Variants in TMPO observed in about 807,000 individuals in gnomAD.
TMPO encodes the protein thymopoietin, also known as LEM domain containing 4.
Under a neutral mutation model 45.4 loss-of-function variants are expected in TMPO, and 22 were observed. The ratio of observed to expected loss-of-function variants is 0.48; its 90% confidence interval spans 0.35 to 0.69. The LOEUF is 0.69. TMPO is among the 30% of genes least tolerant of loss of function. TMPO has a pLI of 0.01. For synonymous variants in TMPO, 241 were observed against 204.1 expected, an observed-to-expected ratio of 1.18 and a Z score of -1.54; for missense variants, 512 against 548.8, an observed-to-expected ratio of 0.93 and a Z score of 0.67.
chr12:98,523,497 A>T (rs1471982382), intron 1 of TMPO, among the ~76,000 whole-genome samples: 4 of 151,724 alleles, frequency 2.6e-5, no homozygotes, highest in African/African-American at 7.3e-5. Flanking sequence ...GATGGAGGGC[A>T]TGCCACTGCA....
Position 98,527,019 on chromosome 12 carries a change from T to C in TMPO, c.280-867T>C, listed in dbSNP as rs73382591. 4.2e-3 allele frequency among the ~76,000 whole-genome samples: 635 copies of C among 152,078 alleles called. 6 individuals carry two copies. The highest frequency in any genetic ancestry group is 0.015 in the African/African-American group (607 of 41,524). ...ATATGTATCTAAGTGTAAGCCTGTA[T>C]GGTAAAGTCTTAAACTTTCCTGGAT... On this transcript the variant is annotated intron_variant, in intron 1 of 8. Transcript: ENST00000556029.
chr12:98,540,385 GTTT>G (rs1877842096), intron 4 of TMPO, among the ~76,000 whole-genome samples: 1 of 151,996 alleles, frequency 6.6e-6, no homozygotes, highest in Admixed American at 6.6e-5. Context: ...TGTTGTTTTT[GTTT>G]TTGTTTGTTT....
chr12:98,549,884 C>T lies in TMPO; in HGVS notation c.*2026C>T, dbSNP rs938491547. 6.9e-6 allele frequency: 1 copy of T among 144,482 alleles called. No homozygotes were observed. The highest frequency in any genetic ancestry group is 2.5e-5 in the African/African-American group (1 of 39,440). The allele number at this position is 144,482 out of a possible 1,614,324, so 9.0% of individuals were successfully genotyped here. ...GGGTCCTTGCAAAGTGAGTGGGAAA[C>T]TTACTCCTAGATCAGAAATGTTTGC... On this transcript the variant is annotated 3_prime_UTR_variant, in exon 9 of 9. Transcript: ENST00000556029.
In TMPO at chr12:98,533,489, G is replaced by T; in HGVS notation, c.565+1651G>T. Reference sequence around the variant, plus strand: ...CTGGATGTAGAAAACATACAGAAGAGAATTGATCAGTCTAAGTTTCAAGAA... The same window carrying T: ...CTGGATGTAGAAAACATACAGAAGATAATTGATCAGTCTAAGTTTCAAGAA... On this transcript the variant is annotated intron_variant, in intron 3 of 8. Coordinates refer to ENST00000556029, the MANE Select transcript of TMPO (RefSeq NM_001032283.3). The T allele has an allele frequency of 1.2e-6, 2 of 1,614,100 alleles. No homozygotes were observed. Among genetic ancestry groups the T allele is most frequent in the Non-Finnish European group, 1.7e-6 (2 of 1,180,010 alleles).
Position 98,521,919 on chromosome 12 carries a change from A to G in TMPO, c.279+5773A>G, listed in dbSNP as rs571244079. Reference sequence around the variant, plus strand: ...TAATTTTTTTATTTTTAGTAGAGACAGTTTCACCATGTTGGTCAGGCCGGT... The same window carrying G: ...TAATTTTTTTATTTTTAGTAGAGACGGTTTCACCATGTTGGTCAGGCCGGT... On this transcript the variant is annotated intron_variant, in intron 1 of 8. Transcript: ENST00000556029. 1.7e-4 allele frequency among the ~76,000 whole-genome samples: 26 copies of G among 152,186 alleles called. No homozygotes were observed. The East Asian group carries it at 1.9e-3, about 11-fold the overall frequency.
rs1200995335 is a variant in TMPO, at chr12:98,545,026, A to G, written c.955A>G (p.Arg319Gly). Residue 319 changes from arginine (R) to glycine (G), a missense_variant, in exon 7 of 9, where the codon AGA (arginine) becomes GGA (glycine). By Grantham distance (125) the Arg-to-Gly change is moderately radical. This residue lies in a region of TMPO where 209 missense variants were observed against 235.1 expected (regional missense o/e 0.89). Transcript: ENST00000556029. ...LPITEFSDIP[R>G]RAPKKPLTRA... ...AATCACTGAATTCTCAGACATACCC[A>G]GAAGAGCACCAAAGAAACCATTGAC... 3.6e-5 allele frequency: 58 copies of G among 1,613,676 alleles called. No homozygotes were observed. The highest frequency in any genetic ancestry group is 4.8e-5 in the Non-Finnish European group (57 of 1,179,874).
At chr12:98,521,762 C>T (rs1876384333) in intron 1 of TMPO, among the ~76,000 whole-genome samples, 2 of 152,158 alleles carry the variant, frequency 1.3e-5, no homozygotes, top group Admixed American at 6.5e-5. Flanking sequence ...AGGAGTCTTG[C>T]GCTGTCATCC....
chr12:98,549,750 A>T lies in TMPO; in HGVS notation c.*1892A>T, dbSNP rs1335757072. On this transcript the variant is annotated 3_prime_UTR_variant, in exon 9 of 9. Transcript: ENST00000556029. ...ATATTTAGACCAGCACACAATTTTGATTTCAATTAGCCTTATTCTAATATT... is the reference window on the plus strand; with the variant it reads ...ATATTTAGACCAGCACACAATTTTGTTTTCAATTAGCCTTATTCTAATATT... 1.3e-5 allele frequency: 2 copies of T among 152,224 alleles called. No homozygotes were observed. Among genetic ancestry groups the T allele is most frequent in the Non-Finnish European group, 2.9e-5 (2 of 68,032 alleles). The allele number at this position is 152,224 out of a possible 1,614,324, so 9.4% of individuals were successfully genotyped here.
chr12:98,516,606 C>CT (rs1875852473), intron 1 of TMPO: 4 of 938,650 alleles, frequency 4.3e-6, no homozygotes, highest in South Asian at 4.9e-5. Flanking sequence ...TGATGACACT[C>CT]TAATTTCTAA....
At chr12:98,527,752 A>T in intron 1 of TMPO, 134 bp from the exon 2 acceptor site, 1 of 930,980 alleles carries the variant, frequency 1.1e-6, no homozygotes, top group Non-Finnish European at 1.7e-6. Flanking sequence ...CTCTTAATTT[A>T]ATGGAATTGC....
intron 1 of TMPO, among the ~76,000 whole-genome samples, chr12:98,516,974 T>C (rs1875894234): frequency 1.3e-5 from 2 of 152,130 alleles, no homozygotes; most frequent in African/African-American, 4.8e-5. Flanking sequence ...CACGCCCGGC[T>C]GATTTGTGTA....
Position 98,544,505 on chromosome 12 carries a change from GA to G in TMPO, c.850del (p.Thr284LeufsTer2). The G allele has an allele frequency of 6.2e-7, 1 of 1,613,732 alleles. No individual in the cohort carries two copies. Among genetic ancestry groups the G allele is most frequent in the South Asian group, 1.1e-5 (1 of 91,064 alleles). On this transcript the variant is annotated frameshift_variant, in exon 6 of 9. Coordinates refer to ENST00000556029, the MANE Select transcript of TMPO (RefSeq NM_001032283.3). LOFTEE classifies it high-confidence loss of function. ...AATTTCAGAGAGTACTCCCATAGCTGAAACTATAATGGCTTCAAGCAACGAA... is the reference window on the plus strand; with the variant it reads ...AATTTCAGAGAGTACTCCCATAGCTGAACTATAATGGCTTCAAGCAACGAA... ...PVISESTPIA[E>X]TIMASSNESL... is the part of the protein sequence containing the mutation.
Position 98,544,248 on chromosome 12 carries a change from A to G in TMPO, c.682A>G (p.Ile228Val), listed in dbSNP as rs753058206. The G allele has an allele frequency of 2.5e-6, 4 of 1,613,826 alleles. No individual in the cohort carries two copies. Among genetic ancestry groups the G allele is most frequent in the South Asian group, 2.2e-5 (2 of 91,080 alleles). The change falls in exon 5 of 9, where the codon ATA becomes GTA. Residue 228 changes from isoleucine to valine, a missense_variant. Ile to Val is a conservative substitution (Grantham distance 29). This residue lies in a region of TMPO where 299 missense variants were observed against 296.7 expected (regional missense o/e 1.01). Transcript: ENST00000556029. ...TGAATAGAGCTATTCTCAAGCTGGA[A>G]TAACTGAGACTGAATGGACAAGTGG... ...EHNQSYSQAG[I>V]TETEWTSGSS... is the part of the protein sequence containing the mutation.
At chr12:98,543,769 T>G (rs1423797266) in intron 4 of TMPO, among the ~76,000 whole-genome samples, 1 of 152,242 alleles carries the variant, frequency 6.6e-6, no homozygotes, top group Non-Finnish European at 1.5e-5. Flanking sequence ...CTAAAATGAT[T>G]ATAACCATAT....
rs550564981 is a variant in TMPO at position 98,545,241 on chromosome 12, TA to T, written c.990+182del. 1.0e-3 allele frequency among the ~76,000 whole-genome samples: 158 copies of T among 151,230 alleles called. 1 individual carries two copies. The highest frequency in any genetic ancestry group is 3.8e-3 in the African/African-American group (156 of 41,346). ...CACTTTTATTAGTGAAAACAGAAAT[TA>T]ACTAATATAGTTTGACATGCTAATA... On this transcript the variant is annotated intron_variant, in intron 7 of 8. Transcript: ENST00000556029.
intron 3 of TMPO, chr12:98,534,466 A>C: frequency 6.5e-7 from 1 of 1,530,658 alleles, no homozygotes; most frequent in Non-Finnish European, 8.7e-7. Flanking sequence ...GCTTCTACCC[A>C]TCAAATTACA....
chr12:98,525,879 A>G (rs987619645), intron 1 of TMPO, among the ~76,000 whole-genome samples: 11 of 152,204 alleles, frequency 7.2e-5, no homozygotes, highest in African/African-American at 2.7e-4. Context: ...TGAGCATTCC[A>G]TACAACTTGA....
chr12:98,517,343 C>G (rs918181124), intron 1 of TMPO, among the ~76,000 whole-genome samples: 7 of 152,126 alleles, frequency 4.6e-5, no homozygotes, highest in African/African-American at 1.7e-4. Flanking sequence ...TTTTAATATG[C>G]TTTTTGTGGG....
rs1280767711 is a variant in TMPO, at chr12:98,549,301, T to A, written c.*1443T>A. ...GTGCAGTGGCACGATCTGGGCTCGA[T>A]GCAACCTCTGCCTCCCAGGTTCAAG... On this transcript the variant is annotated 3_prime_UTR_variant, in exon 9 of 9. Transcript: ENST00000556029. 1 of 152,148 alleles carries A rather than the reference T, an allele frequency of 6.6e-6. No individual in the cohort carries two copies. Among genetic ancestry groups the A allele is most frequent in the Non-Finnish European group, 1.5e-5 (1 of 68,038 alleles). The allele number at this position is 152,148 out of a possible 1,614,324, so 9.4% of individuals were successfully genotyped here.
Sources: gnomAD v4.1 joint callset for allele counts (sites outside exome capture counted in the v4.1 genomes callset) on GRCh38, gnomAD v4.1.1 for gene constraint, gnomAD v4.1.1 regional missense constraint, MANE v1.5 for transcripts, NCBI Gene and HGNC (gene_info 2026-07-23, HGNC 2026-07-21) for gene names.